The following SGCD variants were observed in gnomAD, a reference collection of about 807,000 sequenced individuals.
SGCD encodes the protein delta-sarcoglycan.
A neutral mutation model predicts 36.6 loss-of-function variants in SGCD; 18 were observed. The ratio of observed to expected loss-of-function variants is 0.49; its 90% CI spans 0.34 to 0.73. The LOEUF is 0.73. SGCD is among the 30% of genes least tolerant of loss of function. The pLI, the probability that SGCD is intolerant of heterozygous loss-of-function variation, is 0.01. For missense variants in SGCD, 387 were observed against 346.7 expected (o/e 1.12, Z -0.92); for synonymous variants, 133 against 130.6 (o/e 1.02, Z -0.12).
intron 7 of SGCD, among the ~76,000 whole-genome samples, chr5:156,692,033 C>T (rs1004302904): frequency 6.6e-6 from 1 of 152,178 alleles, no homozygotes; most frequent in Non-Finnish European, 1.5e-5. Context: ...AGACTTTCAA[C>T]TTGTGACTAG....
chr5:156,704,129 G>A (rs1005322229), intron 7 of SGCD: 1 of 152,088 alleles, frequency 6.6e-6, no homozygotes, highest in Admixed American at 6.6e-5. Context: ...TTGGATCCAG[G>A]CATTTAAATG....
At chr5:156,134,605 CA>C (rs1762409125) in intron 3 of SGCD, among the ~76,000 whole-genome samples, 2 of 150,110 alleles carry the variant, frequency 1.3e-5, no homozygotes, top group Non-Finnish European at 3.0e-5. Flanking sequence ...TACAGAAAAC[CA>C]AACACCACAG....
At chr5:156,671,510 G>A (rs1753293428) in intron 7 of SGCD, among the ~76,000 whole-genome samples, 2 of 152,064 alleles carry the variant, frequency 1.3e-5, no homozygotes, top group African/African-American at 2.4e-5. Context: ...TGGACCTCAG[G>A]TGATCCACCC....
At position 155,991,883 on chromosome 5, in the gene SGCD, C is replaced by T. The variant is rs534386312; in HGVS notation, c.-282+121459C>T. The stretch of plus-strand genomic sequence containing the variant: ...ACCCTCTCAAAAGGACATTGTATTT[C>T]AAACTTGCCAAAGGCGATATTTTTT... On this transcript the variant is annotated intron_variant, in intron 1 of 9. Coordinates refer to the SGCD transcript ENST00000517913. Among the ~76,000 whole-genome samples, 501 of 152,272 alleles carry T rather than the reference C, an allele frequency of 3.3e-3. 4 individuals carry two copies. Among genetic ancestry groups the T allele is most frequent in the African/African-American group, 0.011 (451 of 41,546 alleles).
intron 7 of SGCD, among the ~76,000 whole-genome samples, chr5:156,691,246 A>G (rs1581405624): frequency 6.6e-6 from 1 of 150,716 alleles, no homozygotes; most frequent in Admixed American, 6.6e-5. Context: ...CCAAACTTCC[A>G]TTATAGACAA....
At chr5:156,112,877 T>A (rs1250767046) in intron 1 of SGCD, among the ~76,000 whole-genome samples, 1 of 152,204 alleles carries the variant, frequency 6.6e-6, no homozygotes, top group Non-Finnish European at 1.5e-5. Flanking sequence ...TGTGTTTTTA[T>A]AAAATTTCTA....
At chr5:156,370,686 G>A (rs557357744) in intron 3 of SGCD, among the ~76,000 whole-genome samples, 1 of 152,196 alleles carries the variant, frequency 6.6e-6, no homozygotes, top group South Asian at 2.1e-4. Flanking sequence ...TTACAAGACT[G>A]AAACATACAC....
At chr5:156,125,097 G>A (rs1307973603) in intron 3 of SGCD, among the ~76,000 whole-genome samples, 2 of 152,130 alleles carry the variant, frequency 1.3e-5, no homozygotes, top group Non-Finnish European at 2.9e-5. Context: ...ACAACCACAT[G>A]GCATGTTCAA....
chr5:156,474,383 C>T (rs868825908), intron 3 of SGCD, among the ~76,000 whole-genome samples: 6 of 152,236 alleles, frequency 3.9e-5, no homozygotes, highest in Non-Finnish European at 7.3e-5. Context: ...CTTATGCGTA[C>T]CCTTCCTGGC....
At chr5:156,710,724 G>T (rs956247362) in intron 7 of SGCD, among the ~76,000 whole-genome samples, 5 of 152,166 alleles carry the variant, frequency 3.3e-5, no homozygotes, top group African/African-American at 9.7e-5. Flanking sequence ...TTAGATAAGG[G>T]ATTGTGAAGA....
intron 1 of SGCD, among the ~76,000 whole-genome samples, chr5:156,029,104 A>AT (rs1161232618): frequency 6.6e-6 from 1 of 152,124 alleles, no homozygotes; most frequent in East Asian, 1.9e-4. Context: ...TCTGCTTTGA[A>AT]TTTGAATACA....
intron 1 of SGCD, among the ~76,000 whole-genome samples, chr5:155,988,816 A>T (rs768179735): frequency 6.6e-6 from 1 of 152,206 alleles, no homozygotes; most frequent in African/African-American, 2.4e-5. Flanking sequence ...TGTGAGACTT[A>T]AGTGAAACAA....
chr5:156,305,461 C>T (rs1416577582), intron 3 of SGCD, among the ~76,000 whole-genome samples: 1 of 152,164 alleles, frequency 6.6e-6, no homozygotes, highest in Non-Finnish European at 1.5e-5. Context: ...TTGGGAACCT[C>T]TACCTAGATT....
intron 7 of SGCD, among the ~76,000 whole-genome samples, chr5:156,729,293 C>T (rs1347206897): frequency 6.6e-6 from 1 of 152,136 alleles, no homozygotes; most frequent in African/African-American, 2.4e-5. Flanking sequence ...TTCTTATAGC[C>T]ACATGCCTTT....
the SGCD span, among the ~76,000 whole-genome samples, chr5:155,768,360 G>C: frequency 6.6e-6 from 1 of 151,192 alleles, no homozygotes; most frequent in South Asian, 2.1e-4. Context: ...ACTCATTCCT[G>C]CATTCATCCA....
At chr5:156,604,033 C>T (rs1761314682) in intron 6 of SGCD, among the ~76,000 whole-genome samples, 1 of 151,690 alleles carries the variant, frequency 6.6e-6, no homozygotes, top group Non-Finnish European at 1.5e-5. Flanking sequence ...GTCAATCTCT[C>T]CCTTTAGATC....
chr5:156,676,822 C>T (rs1283696652), intron 7 of SGCD, among the ~76,000 whole-genome samples: 3 of 152,180 alleles, frequency 2.0e-5, no homozygotes, highest in Non-Finnish European at 2.9e-5. Context: ...CAACTGAATG[C>T]ATTCCTTACA....
intron 1 of SGCD, among the ~76,000 whole-genome samples, chr5:155,998,908 C>G (rs143924990): frequency 6.6e-6 from 1 of 152,120 alleles, no homozygotes; most frequent in African/African-American, 2.4e-5. Context: ...TAGAAGTAAA[C>G]GTCCAAGCAG....
At chr5:155,855,829 C>T in the SGCD span, among the ~76,000 whole-genome samples, 1 of 152,076 alleles carries the variant, frequency 6.6e-6, no homozygotes, top group Non-Finnish European at 1.5e-5. Flanking sequence ...GGAGAATTTG[C>T]AAAGTACAGG....
Sources: gnomAD v4.1 joint callset for allele counts (sites outside exome capture counted in the v4.1 genomes callset) on GRCh38, gnomAD v4.1.1 for gene constraint, MANE v1.5 for transcripts, NCBI Gene and HGNC (gene_info 2026-07-23, HGNC 2026-07-21) for gene names.